MPC2: variants seen among roughly 807,000 people sequenced by gnomAD.
The protein encoded by MPC2 is mitochondrial pyruvate carrier 2.
Under a neutral mutation model 19.2 loss-of-function variants are expected in MPC2, and 19 were observed. The ratio of observed to expected loss-of-function variants is 0.99; its 90% CI spans 0.69 to 1.45. The LOEUF is 1.45. Ranked by LOEUF, MPC2 falls within the 40% of genes most tolerant of loss-of-function variation. MPC2 has a pLI of 0.00. For synonymous variants in MPC2, 61 were observed against 54.3 expected, an observed-to-expected ratio of 1.12 and a Z score of -0.54; for missense variants, 122 against 153.0, an observed-to-expected ratio of 0.80 and a Z score of 1.07.
chr1:167,929,387 T>C (rs2102551611), intron 2 of MPC2, among the ~76,000 whole-genome samples: 1 of 152,258 alleles, frequency 6.6e-6, no homozygotes, highest in South Asian at 2.1e-4. Flanking sequence ...AGTCTACACA[T>C]TTTAAACTAT....
intron 1 of MPC2, chr1:167,936,724 T>G: frequency 3.4e-6 from 2 of 594,520 alleles, no homozygotes; most frequent in Non-Finnish European, 6.0e-6. Flanking sequence ...TGAGGCGAGC[T>G]CCGGCCCGGG....
At chr1:167,933,202 T>C (rs562374529) in intron 2 of MPC2, among the ~76,000 whole-genome samples, 1 of 149,472 alleles carries the variant, frequency 6.7e-6, no homozygotes, top group African/African-American at 2.5e-5. Flanking sequence ...AGAACCTCGC[T>C]CTGTTGCCAG....
chr1:167,924,340 G>C (rs1670677438), intron 3 of MPC2, 157 bp downstream of exon 3: 2 of 536,278 alleles, frequency 3.7e-6, no homozygotes, highest in Non-Finnish European at 6.3e-6. Context: ...GTTGCTTTAT[G>C]TAGAAAACGA....
chr1:167,920,610 C>T lies in MPC2; in HGVS notation c.172G>A (p.Ala58Thr), dbSNP rs1367628845. The T allele has an allele frequency of 6.2e-7, 1 of 1,613,720 alleles. No individual in the cohort carries two copies. The highest frequency in any genetic ancestry group is 8.5e-7 in the Non-Finnish European group (1 of 1,179,846). The change falls in exon 4 of 6, where the codon GCT becomes ACT. Residue 58 changes from alanine to threonine, a missense_variant. By Grantham distance (58) the Ala-to-Thr change is moderately conservative. Transcript: ENST00000271373. The stretch of plus-strand genomic sequence containing the variant: ...TTTTCTGCAGGTCTGGCCATATCAG[C>T]CAATCCAGCACACACCAACCCCTAC... Reference protein sequence around the residue: ...MKWGLVCAGLADMARPAEKLS... With the variant: ...MKWGLVCAGLTDMARPAEKLS...
intron 5 of MPC2, among the ~76,000 whole-genome samples, chr1:167,918,986 A>G (rs1670536617): frequency 6.6e-6 from 1 of 152,170 alleles, no homozygotes; most frequent in Non-Finnish European, 1.5e-5. Flanking sequence ...TTCTACAAGA[A>G]CGTGACAAAC....
chr1:167,936,519 G>A (rs73024126), intron 1 of MPC2: 1 of 225,610 alleles, frequency 4.4e-6, no homozygotes, highest in South Asian at 5.6e-5. Flanking sequence ...GGTGAGGGCA[G>A]CCGCAGCACA....
chr1:167,936,860 C>A (rs1404039225), intron 1 of MPC2, 79 bp downstream of exon 1: 33 of 1,280,092 alleles, frequency 2.6e-5, no homozygotes, highest in Non-Finnish European at 3.1e-5. Flanking sequence ...CCCTCCCCCT[C>A]CTCCCCTCCC....
chr1:167,935,913 G>A lies in MPC2; in HGVS notation c.-57-15C>T. The A allele has an allele frequency of 1.7e-6, 2 of 1,198,922 alleles. No individual in the cohort carries two copies. Among genetic ancestry groups the A allele is most frequent in the South Asian group, 1.3e-5 (1 of 76,562 alleles). The allele number at this position is 1,198,922 out of a possible 1,614,324, so 74.3% of individuals were successfully genotyped here. On this transcript the variant is annotated splice_polypyrimidine_tract_variant and intron_variant, in intron 1 of 5. Transcript: ENST00000271373. ...CTCGTCCCTGGCTGACAACGAAGGG[G>A]AGCTAGTCACTTTTCCTGCCACGAC...
chr1:167,926,400 A>G (rs1441342638), intron 2 of MPC2, among the ~76,000 whole-genome samples: 1 of 152,232 alleles, frequency 6.6e-6, no homozygotes, highest in Non-Finnish European at 1.5e-5. Flanking sequence ...TCTCTCTACA[A>G]GATAGAAAAT....
intron 2 of MPC2, among the ~76,000 whole-genome samples, chr1:167,926,570 C>T (rs1477758276): frequency 6.6e-6 from 1 of 152,176 alleles, no homozygotes; most frequent in Non-Finnish European, 1.5e-5. Context: ...AGGAGTGTCC[C>T]CCCAGGGGCA....
intron 2 of MPC2, among the ~76,000 whole-genome samples, chr1:167,931,550 A>T (rs1238603545): frequency 6.6e-6 from 1 of 151,892 alleles, no homozygotes; most frequent in East Asian, 1.9e-4. Context: ...TATACACTTA[A>T]GAATATATAT....
At chr1:167,923,017 C>T (rs1670641878) in intron 3 of MPC2, among the ~76,000 whole-genome samples, 1 of 152,048 alleles carries the variant, frequency 6.6e-6, no homozygotes, top group Admixed American at 6.6e-5. Flanking sequence ...CATTAGGTGC[C>T]TATCATAAAA....
At chr1:167,925,480 T>TATATATAC (rs1287063918) in intron 2 of MPC2, among the ~76,000 whole-genome samples, 13 of 134,866 alleles carry the variant, frequency 9.6e-5, no homozygotes, top group South Asian at 4.6e-4. Context: ...TATATACATA[T>TATATATAC]ACATATACAC....
Position 167,918,023 on chromosome 1 carries a change from T to G in MPC2, c.*300A>C, listed in dbSNP as rs1357193243. 1 of 240,058 alleles carries G rather than the reference T, an allele frequency of 4.2e-6. No homozygotes were observed. The highest frequency in any genetic ancestry group is 8.0e-6 in the Non-Finnish European group (1 of 124,874). 14.9% of individuals were successfully genotyped at this position (240,058 alleles called of 1,614,324 possible). On this transcript the variant is annotated 3_prime_UTR_variant, in exon 6 of 6. Coordinates refer to ENST00000271373, the MANE Select transcript of MPC2 (RefSeq NM_001143674.4). Reference sequence around the variant, plus strand: ...CCAACTTCTTGAATTTGTGTGTTCTTTTATGTACATATGTTGGCTGACTGG... The same window carrying G: ...CCAACTTCTTGAATTTGTGTGTTCTGTTATGTACATATGTTGGCTGACTGG...
intron 2 of MPC2, among the ~76,000 whole-genome samples, chr1:167,934,181 T>A (rs1487382814): frequency 1.3e-5 from 2 of 152,224 alleles, no homozygotes; most frequent in Non-Finnish European, 2.9e-5. Context: ...AGTAGTATTT[T>A]AAGCAGTAAT....
At chr1:167,936,575 T>G (rs1032248324) in intron 1 of MPC2, 21 of 296,488 alleles carry the variant, frequency 7.1e-5, no homozygotes, top group African/African-American at 4.6e-4. Flanking sequence ...CGAGAAAGGG[T>G]TGGCGGGGAG....
chr1:167,924,248 T>C (rs1291728701), intron 3 of MPC2, among the ~76,000 whole-genome samples: 1 of 152,148 alleles, frequency 6.6e-6, no homozygotes, highest in Non-Finnish European at 1.5e-5. Flanking sequence ...GTCCATGTGG[T>C]GCACAATTGT....
At position 167,920,635 on chromosome 1, in the gene MPC2, C is replaced by T; in HGVS notation, c.151-4G>A. The T allele has an allele frequency of 6.2e-7, 1 of 1,609,602 alleles. No individual in the cohort carries two copies. Among genetic ancestry groups the T allele is most frequent in the Non-Finnish European group, 8.5e-7 (1 of 1,178,172 alleles). ...CCAATCCAGCACACACCAACCCCTACACATTAACGCATAGAAAGAAAAAAA... is the reference window on the plus strand; with the variant it reads ...CCAATCCAGCACACACCAACCCCTATACATTAACGCATAGAAAGAAAAAAA... On this transcript the variant is annotated splice_region_variant and splice_polypyrimidine_tract_variant and intron_variant, in intron 3 of 5. Coordinates refer to ENST00000271373, the MANE Select transcript of MPC2 (RefSeq NM_001143674.4).
chr1:167,928,962 G>T (rs1004894297), intron 2 of MPC2, among the ~76,000 whole-genome samples: 2 of 152,182 alleles, frequency 1.3e-5, no homozygotes, highest in Non-Finnish European at 1.5e-5. Flanking sequence ...TTTAGAAAAA[G>T]AATTAATACA....
Sources: gnomAD v4.1 joint callset for allele counts (sites outside exome capture counted in the v4.1 genomes callset) on GRCh38, gnomAD v4.1.1 for gene constraint, MANE v1.5 for transcripts, NCBI Gene and HGNC (gene_info 2026-07-23, HGNC 2026-07-21) for gene names.